Variants in CD46 observed in about 807,000 individuals in gnomAD.
CD46 encodes CD46 molecule, also known as membrane cofactor protein.
CD46 carries 30 observed loss-of-function variants against 53.3 expected under a neutral mutation model. That is an observed-to-expected ratio of 0.56 (90% confidence interval 0.42 to 0.76). The LOEUF (loss-of-function observed/expected upper bound fraction) is 0.76, where lower values mean the gene tolerates loss of function less well. Ranked by LOEUF, CD46 falls within the 30% of genes least tolerant of loss-of-function variation. CD46 has a pLI of 0.00. For synonymous variants in CD46, 142 were observed against 152.0 expected, an observed-to-expected ratio of 0.93 and a Z score of 0.48; for missense variants, 409 against 463.0, an observed-to-expected ratio of 0.88 and a Z score of 1.07.
At chr1:207,781,491 A>G (rs1658731236) in intron 8 of CD46, among the ~76,000 whole-genome samples, 2 of 152,328 alleles carry the variant, frequency 1.3e-5, no homozygotes, top group South Asian at 4.1e-4. Context: ...GTCACATCCA[A>G]TAAATCATAG....
At chr1:207,782,799 T>C (rs1379187758) in intron 8 of CD46, among the ~76,000 whole-genome samples, 5 of 149,854 alleles carry the variant, frequency 3.3e-5, no homozygotes, top group Admixed American at 2.7e-4. Context: ...AGGCACGCAC[T>C]ACCACACCCA....
At chr1:207,779,326 G>A (rs1196002375) in intron 8 of CD46, among the ~76,000 whole-genome samples, 1 of 151,966 alleles carries the variant, frequency 6.6e-6, no homozygotes, top group African/African-American at 2.4e-5. Context: ...ATACTTTTAT[G>A]TGTAATTATA....
chr1:207,761,103 T>C (rs918684989), intron 4 of CD46, 146 bp from the exon 5 acceptor site: 6 of 609,024 alleles, frequency 9.9e-6, no homozygotes, highest in Non-Finnish European at 1.7e-5. Flanking sequence ...ATATATTTGC[T>C]CATAGAAACC....
chr1:207,783,284 T>C lies in CD46; in HGVS notation c.944-8T>C, dbSNP rs1362531408. ...TTAATTTAATCTATATTTCTTCTTT[T>C]TTCCTAGGATATCCTAAACCTGAGG... On this transcript the variant is annotated splice_region_variant and splice_polypyrimidine_tract_variant and intron_variant, in intron 8 of 12. Coordinates refer to ENST00000367042, the MANE Select transcript of CD46 (RefSeq NM_172351.3). The C allele has an allele frequency of 1.4e-6, 2 of 1,449,654 alleles. No individual in the cohort carries two copies. The highest frequency in any genetic ancestry group is 1.7e-5 in the Admixed American group (1 of 59,564). 89.8% of individuals were successfully genotyped at this position (1,449,654 alleles called of 1,614,324 possible).
At chr1:207,782,383 G>A (rs41317967) in intron 8 of CD46, among the ~76,000 whole-genome samples, 3,323 of 152,072 alleles carry the variant, frequency 0.022, 112 homozygotes, top group African/African-American at 0.074. Flanking sequence ...CAAACAGAGC[G>A]AATTTTATTT....
At chr1:207,752,046 C>CG, upstream of CD46, 1 of 753,844 alleles carries the variant, frequency 1.3e-6, no homozygotes, top group South Asian at 1.5e-5. This position sits in a 1 kb window ranked among gnomAD's most constrained non-coding sequence, Gnocchi z 4.1. Context: ...CGCACTTCCG[C>CG]CCCGGGCGCG....
At position 207,755,006 on chromosome 1, in the gene CD46, A is replaced by G. The variant is rs190118961; in HGVS notation, c.98-2008A>G. Among the ~76,000 whole-genome samples, 481 of 151,296 alleles carry G rather than the reference A, an allele frequency of 3.2e-3. 3 individuals are homozygous for G. Among genetic ancestry groups the G allele is most frequent in the African/African-American group, 0.011 (459 of 41,192 alleles). On this transcript the variant is annotated intron_variant, in intron 1 of 12. Coordinates refer to ENST00000367042, the MANE Select transcript of CD46 (RefSeq NM_172351.3). ...TGTGATGTTGCATGCCTGTGGTCCTAGCTACTTGGGAGACTGAAGGGGGAG... is the reference window on the plus strand; with the variant it reads ...TGTGATGTTGCATGCCTGTGGTCCTGGCTACTTGGGAGACTGAAGGGGGAG...
chr1:207,763,847 G>GGT (rs1448642096), intron 5 of CD46, among the ~76,000 whole-genome samples: 1 of 63,056 alleles, frequency 1.6e-5, no homozygotes, highest in East Asian at 1.2e-3. Context: ...ATGATTTTTT[G>GGT]GTTTTTTTTT....
chr1:207,780,701 T>C (rs552903078), intron 8 of CD46, among the ~76,000 whole-genome samples: 1 of 152,312 alleles, frequency 6.6e-6, no homozygotes, highest in Non-Finnish European at 1.5e-5. Context: ...GGTTCCAATT[T>C]TTCCACATCT....
intron 8 of CD46, among the ~76,000 whole-genome samples, chr1:207,780,716 C>A (rs1658653927): frequency 6.6e-6 from 1 of 152,102 alleles, no homozygotes; most frequent in Admixed American, 6.5e-5. Context: ...ACATCTCCAC[C>A]AACACTTATT....
In CD46 at chr1:207,776,652, C is replaced by T. The variant is rs190409727; in HGVS notation, c.943+6290C>T. 2.9e-4 allele frequency among the ~76,000 whole-genome samples: 44 copies of T among 152,132 alleles called. No individual in the cohort carries two copies. The East Asian group carries it at 7.5e-3, about 26-fold the overall frequency. ...GTTTTTGTTTTTGCTTTTTTGAGAC[C>T]GGGTCTCACTCTGTTGCCCAGGCTG... On this transcript the variant is annotated intron_variant, in intron 8 of 12. Transcript: ENST00000367042.
At chr1:207,789,853 G>C (rs1437534447) in intron 11 of CD46, among the ~76,000 whole-genome samples, 2 of 115,216 alleles carry the variant, frequency 1.7e-5, no homozygotes, top group Non-Finnish European at 3.3e-5. Context: ...GGGCAACATA[G>C]TGAGATGCTG....
At chr1:207,785,289 CTG>C (rs1420539293) in intron 10 of CD46, among the ~76,000 whole-genome samples, 183 bp downstream of exon 10, 1 of 152,122 alleles carries the variant, frequency 6.6e-6, no homozygotes, top group Non-Finnish European at 1.5e-5. Flanking sequence ...ATTTTATACT[CTG>C]TTATATTCTG....
At chr1:207,765,725 G>A (rs1438793708) in intron 5 of CD46, among the ~76,000 whole-genome samples, 1 of 152,176 alleles carries the variant, frequency 6.6e-6, no homozygotes, top group Non-Finnish European at 1.5e-5. Context: ...TACTGATGGT[G>A]AGAATCAAAG....
In CD46 at chr1:207,752,055, C is replaced by A. The variant is rs1437554634; in HGVS notation, c.-158C>A. The A allele has an allele frequency of 7.7e-6, 6 of 781,086 alleles. No individual in the cohort carries two copies. Among genetic ancestry groups the A allele is most frequent in the Non-Finnish European group, 1.3e-5 (6 of 452,966 alleles). 48.4% of individuals were successfully genotyped at this position (781,086 alleles called of 1,614,324 possible). ...ACTCGACGCACTTCCGCCCCGGGCG[C>A]GGCTCGGGCCACGCCCACCTGTCCT... is the stretch of plus-strand genomic sequence containing the variant. On this transcript the variant is annotated 5_prime_UTR_variant, in exon 1 of 13. Transcript: ENST00000367042. The surrounding 1 kb of genome is among the most constrained non-coding windows in gnomAD (Gnocchi z 4.1).
chr1:207,752,687 C>G lies in CD46; in HGVS notation c.97+378C>G, dbSNP rs1056767668. Among the ~76,000 whole-genome samples the G allele has an allele frequency of 5.3e-5, 8 of 152,074 alleles. No homozygotes were observed. Among genetic ancestry groups the G allele is most frequent in the Non-Finnish European group, 1.2e-4 (8 of 68,010 alleles). On this transcript the variant is annotated intron_variant, in intron 1 of 12. Transcript: ENST00000367042. The surrounding 1 kb of genome is among the most constrained non-coding windows in gnomAD (Gnocchi z 4.1). ...GTGTTGCTAGGGCCCGTGCTGTGTC[C>G]GTGGTGAGAGTTTGCCCTGTGTTCC...
Position 207,767,811 on chromosome 1 carries a change from T to C in CD46, c.889T>C (p.Ser297Pro). ...TTCTTCCACTACAAAATCTCCAGCGTCCAGTGCCTCAGGTTTAGTAATTTC... is the reference window on the plus strand; with the variant it reads ...TTCTTCCACTACAAAATCTCCAGCGCCCAGTGCCTCAGGTTTAGTAATTTC... ...STSSTTKSPA[S>P]SASGPRPTYK... The change falls in exon 7 of 13, where the codon TCC becomes CCC. Residue 297 changes from serine to proline, a missense_variant. Coordinates refer to ENST00000367042, the MANE Select transcript of CD46 (RefSeq NM_172351.3). The C allele has an allele frequency of 6.2e-7, 1 of 1,611,030 alleles. No homozygotes were observed. Among genetic ancestry groups the C allele is most frequent in the Non-Finnish European group, 8.5e-7 (1 of 1,177,248 alleles).
intron 5 of CD46, among the ~76,000 whole-genome samples, chr1:207,763,665 CTG>C (rs1003890718): frequency 5.3e-5 from 8 of 151,780 alleles, no homozygotes; most frequent in Middle Eastern, 3.2e-3. Flanking sequence ...AGTTTTATCT[CTG>C]AATATTTTTT....
At chr1:207,758,968 G>A (rs1271145853) in intron 3 of CD46, among the ~76,000 whole-genome samples, 4 of 152,154 alleles carry the variant, frequency 2.6e-5, no homozygotes, top group African/African-American at 9.7e-5. Context: ...AGTCCAGAAG[G>A]AGGAGAGATT....
Sources: gnomAD v4.1 joint callset for allele counts (sites outside exome capture counted in the v4.1 genomes callset) on GRCh38, gnomAD v4.1.1 for gene constraint, Gnocchi (gnomAD v3.1) non-coding constraint, MANE v1.5 for transcripts, NCBI Gene and HGNC (gene_info 2026-07-23, HGNC 2026-07-21) for gene names.